PPM1D: variants seen among roughly 807,000 people sequenced by gnomAD.
PPM1D encodes protein phosphatase 1D.
PPM1D carries 52 observed loss-of-function variants against 58.3 expected under a neutral mutation model. That is an observed-to-expected ratio of 0.89 (90% CI 0.71 to 1.12). PPM1D has a LOEUF of 1.12. Ranked by LOEUF, PPM1D falls within the 50% of genes most tolerant of loss-of-function variation. PPM1D has a pLI of 0.00. For synonymous variants in PPM1D, 278 were observed against 285.1 expected (o/e 0.98, Z 0.25); for missense variants, 564 against 777.2 (o/e 0.73, Z 3.26).
chr17:60,620,711 T>C (rs906992119), intron 1 of PPM1D, among the ~76,000 whole-genome samples: 6 of 152,056 alleles, frequency 3.9e-5, no homozygotes, highest in African/African-American at 1.2e-4. Flanking sequence ...GCTTTCACCA[T>C]GTTGGTCAGG....
At chr17:60,641,801 G>A (rs1418772722) in intron 3 of PPM1D, among the ~76,000 whole-genome samples, 1 of 152,186 alleles carries the variant, frequency 6.6e-6, no homozygotes, top group Non-Finnish European at 1.5e-5. Flanking sequence ...AGTTCTCCAT[G>A]GGAAGCCACT....
chr17:60,645,646 GTATA>G (rs544614194), intron 3 of PPM1D, among the ~76,000 whole-genome samples: 1 of 126,588 alleles, frequency 7.9e-6, no homozygotes, highest in Non-Finnish European at 1.6e-5. Context: ...GTGTGTGTGT[GTATA>G]TATATATATA....
intron 4 of PPM1D, among the ~76,000 whole-genome samples, chr17:60,652,830 C>CT (rs991388405): frequency 6.6e-6 from 1 of 151,932 alleles, no homozygotes; most frequent in African/African-American, 2.4e-5. Context: ...TATTTTAGAT[C>CT]TTTTGCCCAT....
chr17:60,653,014 G>A (rs944923304), intron 4 of PPM1D, among the ~76,000 whole-genome samples: 3 of 151,894 alleles, frequency 2.0e-5, no homozygotes, highest in African/African-American at 4.8e-5. Context: ...ATTTTCATTT[G>A]TCTATTTTTG....
intron 3 of PPM1D, among the ~76,000 whole-genome samples, chr17:60,643,959 A>C (rs1200412298): frequency 7.7e-6 from 1 of 130,412 alleles, no homozygotes; most frequent in Non-Finnish European, 1.5e-5. Flanking sequence ...ATCCTGGCTC[A>C]CTGCTATGTC....
intron 5 of PPM1D, among the ~76,000 whole-genome samples, chr17:60,658,749 GT>G (rs2031482094): frequency 6.6e-6 from 1 of 151,956 alleles, no homozygotes; most frequent in Non-Finnish European, 1.5e-5. Flanking sequence ...GGATCATGAG[GT>G]CAGGAGATCG....
At chr17:60,606,952 A>G (rs896642697) in intron 1 of PPM1D, among the ~76,000 whole-genome samples, 1 of 150,844 alleles carries the variant, frequency 6.6e-6, no homozygotes, top group African/African-American at 2.4e-5. Context: ...ATGTGCCTGC[A>G]AAGTAGCTGA....
chr17:60,611,631 C>G (rs888678616), intron 1 of PPM1D, among the ~76,000 whole-genome samples: 1 of 152,026 alleles, frequency 6.6e-6, no homozygotes, highest in African/African-American at 2.4e-5. Context: ...GTTTGCCAAG[C>G]TGGTCTCAAA....
chr17:60,640,814 A>G (rs1480797119), intron 3 of PPM1D, among the ~76,000 whole-genome samples: 3 of 151,648 alleles, frequency 2.0e-5, no homozygotes, highest in Non-Finnish European at 2.9e-5. Flanking sequence ...TTCCTAAAAG[A>G]AATTGGAAAT....
chr17:60,628,526 A>C (rs1237012347), intron 2 of PPM1D, among the ~76,000 whole-genome samples: 1 of 151,404 alleles, frequency 6.6e-6, no homozygotes, highest in African/African-American at 2.4e-5. Context: ...TCCCCCACTT[A>C]CTCCTGGCAA....
chr17:60,631,013 T>C, intron 2 of PPM1D, among the ~76,000 whole-genome samples: 1 of 152,246 alleles, frequency 6.6e-6, no homozygotes, highest in East Asian at 1.9e-4. Context: ...ATTTTAACTC[T>C]TGTTATGATC....
At chr17:60,641,250 C>T (rs901032390) in intron 3 of PPM1D, among the ~76,000 whole-genome samples, 2 of 152,144 alleles carry the variant, frequency 1.3e-5, no homozygotes, top group African/African-American at 4.8e-5. Flanking sequence ...TGCAGCTTTG[C>T]CAGCATTGTC....
rs1397318801 is a variant in PPM1D, at chr17:60,663,286, C to G, written c.1552C>G (p.Pro518Ala). The G allele has an allele frequency of 1.9e-6, 3 of 1,614,054 alleles. No individual in the cohort carries two copies. Among genetic ancestry groups the G allele is most frequent in the Non-Finnish European group, 2.5e-6 (3 of 1,180,042 alleles). The change falls in exon 6 of 6, where the codon CCT (proline) becomes GCT (alanine). Residue 518 changes from proline (P) to alanine (A), a missense_variant. By Grantham distance (27) the Pro-to-Ala change is conservative. This residue lies in a region of PPM1D where 261 missense variants were observed against 270.1 expected (regional missense o/e 0.97). Transcript: ENST00000305921. ...CCAAAAAAATTTGAAGATGTCAACT[C>G]CTGGCCAAATGAAAGCCCAAGAAAT... is the stretch of plus-strand genomic sequence containing the variant. ...MDQKNLKMST[P>A]GQMKAQEIER...
chr17:60,609,354 A>G (rs981353185), intron 1 of PPM1D, among the ~76,000 whole-genome samples: 12 of 152,138 alleles, frequency 7.9e-5, no homozygotes, highest in African/African-American at 4.8e-5. Flanking sequence ...TGGCCTCCCA[A>G]AGTGCTAGGA....
chr17:60,618,635 G>A (rs2030632763), intron 1 of PPM1D, among the ~76,000 whole-genome samples: 1 of 152,026 alleles, frequency 6.6e-6, no homozygotes, highest in South Asian at 2.1e-4. Context: ...CTCCCATTTG[G>A]GTAGTCTGTC....
chr17:60,639,099 TA>T (rs2031083008), intron 3 of PPM1D, among the ~76,000 whole-genome samples: 1 of 152,058 alleles, frequency 6.6e-6, no homozygotes, highest in Non-Finnish European at 1.5e-5. Context: ...CATCAGATGA[TA>T]ACAAAAAACT....
At chr17:60,637,636 A>ATATAGATAG (rs1366886757) in intron 3 of PPM1D, among the ~76,000 whole-genome samples, 1 of 152,206 alleles carries the variant, frequency 6.6e-6, no homozygotes, top group Non-Finnish European at 1.5e-5. Flanking sequence ...AGCCAGTAGC[A>ATATAGATAG]TATAGATAGT....
At chr17:60,609,304 A>G (rs2030404101) in intron 1 of PPM1D, among the ~76,000 whole-genome samples, 1 of 151,598 alleles carries the variant, frequency 6.6e-6, no homozygotes, top group Non-Finnish European at 1.5e-5. Flanking sequence ...CATGTTGGCC[A>G]GGCTGGTCTC....
At chr17:60,602,124 G>A (rs2030227276) in intron 1 of PPM1D, among the ~76,000 whole-genome samples, 1 of 152,236 alleles carries the variant, frequency 6.6e-6, no homozygotes, top group African/African-American at 2.4e-5. Context: ...TCAAAAACCA[G>A]CCACTAGGCT....
Sources: allele counts gnomAD v4.1 joint callset (sites outside exome capture counted in the v4.1 genomes callset), GRCh38; gene constraint gnomAD v4.1.1; regional missense constraint gnomAD v4.1.1; transcripts MANE v1.5; gene names NCBI Gene and HGNC (gene_info 2026-07-23, HGNC 2026-07-21).